MCPH1: variants seen among roughly 807,000 people sequenced by gnomAD.
The protein encoded by MCPH1 is microcephalin 1.
A neutral mutation model predicts 84.5 loss-of-function variants in MCPH1; 104 were observed. The ratio of observed to expected loss-of-function variants is 1.23; its 90% confidence interval spans 1.05 to 1.45. MCPH1 has a LOEUF of 1.45. Among genes scored for constraint, MCPH1 ranks in the 40% most tolerant of loss-of-function variants. The probability of loss-of-function intolerance (pLI) is 0.00; values close to 1 mark genes in which losing one functional copy is unlikely to be tolerated. For missense variants in MCPH1, 1,498 were observed against 1,005.7 expected (o/e 1.49, Z -6.62); for synonymous variants, 514 against 366.8 (o/e 1.40, Z -4.58).
At chr8:6,626,988 A>C (rs2278146) in intron 13 of MCPH1, 32 of 969,178 alleles carry the variant, frequency 3.3e-5, no homozygotes, top group Admixed American at 1.3e-4. Flanking sequence ...CATTGCCAAA[A>C]AAAAAAAAAA....
intron 3 of MCPH1, among the ~76,000 whole-genome samples, chr8:6,416,863 G>T (rs1440132119): frequency 6.6e-6 from 1 of 151,988 alleles, no homozygotes; most frequent in East Asian, 1.9e-4. Context: ...TCATGTTGGC[G>T]TGTGCCTATA....
intron 12 of MCPH1, among the ~76,000 whole-genome samples, chr8:6,505,421 A>G (rs1424328260): frequency 2.6e-5 from 2 of 75,744 alleles, no homozygotes; most frequent in South Asian, 3.6e-4. Flanking sequence ...CTTTATATAC[A>G]TAAAGAATAT....
chr8:6,516,965 T>C (rs886360572), intron 12 of MCPH1, among the ~76,000 whole-genome samples: 3 of 152,220 alleles, frequency 2.0e-5, no homozygotes, highest in African/African-American at 7.2e-5. Context: ...GTGATGATGA[T>C]AAGGTTATTA....
chr8:6,537,357 T>C (rs1383241993), intron 12 of MCPH1, among the ~76,000 whole-genome samples: 2 of 152,024 alleles, frequency 1.3e-5, no homozygotes, highest in Non-Finnish European at 2.9e-5. Flanking sequence ...CCTTGGGCTG[T>C]TCTTCCTTTC....
chr8:6,628,153 T>C (rs1049379120), intron 13 of MCPH1, among the ~76,000 whole-genome samples: 3 of 152,000 alleles, frequency 2.0e-5, no homozygotes, highest in African/African-American at 7.2e-5. Flanking sequence ...TGGATGTGAA[T>C]TGCATCAGAG....
intron 1 of MCPH1, among the ~76,000 whole-genome samples, chr8:6,408,686 G>A (rs1008043173): frequency 6.7e-6 from 1 of 149,338 alleles, no homozygotes; most frequent in African/African-American, 2.5e-5. Flanking sequence ...TTCCCACCCA[G>A]TAGCTGGGAC....
chr8:6,593,295 C>T (rs1426638377), intron 12 of MCPH1, among the ~76,000 whole-genome samples: 1 of 151,944 alleles, frequency 6.6e-6, no homozygotes, highest in African/African-American at 2.4e-5. Flanking sequence ...GTTAGTCAGG[C>T]TGGTCTCAAA....
At chr8:6,504,206 T>C (rs1404625220) in intron 12 of MCPH1, among the ~76,000 whole-genome samples, 1 of 149,156 alleles carries the variant, frequency 6.7e-6, no homozygotes, top group Non-Finnish European at 1.5e-5. Context: ...TAGTCCCAGC[T>C]ACTCGGGAGG....
At chr8:6,609,828 C>CCCCCCCCCCCCCCCCCCA (rs1475345162) in intron 12 of MCPH1, among the ~76,000 whole-genome samples, 1 of 108,850 alleles carries the variant, frequency 9.2e-6, no homozygotes, top group African/African-American at 3.0e-5. Context: ...CGCCCCCCCC[C>CCCCCCCCCCCCCCCCCCA]CACACACAGA....
chr8:6,562,639 T>C, intron 12 of MCPH1: 1 of 1,370,714 alleles, frequency 7.3e-7, no homozygotes, highest in Non-Finnish European at 9.8e-7. Flanking sequence ...GATGGATTTT[T>C]TTCCTACCTT....
intron 8 of MCPH1, chr8:6,446,821 G>T: frequency 1.0e-6 from 1 of 985,286 alleles, no homozygotes; most frequent in African/African-American, 1.7e-5. Context: ...TAAAATCCCC[G>T]TGTTGCTGGG....
intron 13 of MCPH1, among the ~76,000 whole-genome samples, chr8:6,641,355 A>G (rs747472338): frequency 6.6e-6 from 1 of 152,222 alleles, no homozygotes; most frequent in African/African-American, 2.4e-5. Flanking sequence ...GCTTCCACCT[A>G]CCTATGACTC....
intron 13 of MCPH1, among the ~76,000 whole-genome samples, chr8:6,641,400 A>G (rs1363918688): frequency 6.6e-6 from 1 of 152,236 alleles, no homozygotes; most frequent in African/African-American, 2.4e-5. Context: ...GTGTTGATAT[A>G]ATTTGAATAC....
chr8:6,482,338 T>C (rs935610067), intron 11 of MCPH1, among the ~76,000 whole-genome samples: 1 of 152,196 alleles, frequency 6.6e-6, no homozygotes, highest in Non-Finnish European at 1.5e-5. Context: ...GAGAAAAAAC[T>C]GTGCATACTA....
At chr8:6,607,919 C>T (rs549088770) in intron 12 of MCPH1, among the ~76,000 whole-genome samples, 11 of 152,292 alleles carry the variant, frequency 7.2e-5, no homozygotes, top group African/African-American at 1.9e-4. Context: ...CTACCAGGCC[C>T]GGATTTGTTT....
At chr8:6,457,685 C>T (rs1466994566) in intron 9 of MCPH1, among the ~76,000 whole-genome samples, 7 of 152,158 alleles carry the variant, frequency 4.6e-5, no homozygotes. Flanking sequence ...AGTGCGGCAC[C>T]CCGTCCTTAA....
rs1041261314 is a variant in MCPH1, at chr8:6,490,007, C to T, written c.2136+9131C>T. On this transcript the variant is annotated intron_variant, in intron 11 of 13. Transcript: ENST00000344683. The stretch of plus-strand genomic sequence containing the variant: ...GGCCTTCAAGGATCACACTGTTGGT[C>T]TTTCCTTTTCTTTTAACTTGGATCA... Among the ~76,000 whole-genome samples, 10 of 152,274 alleles carry T rather than the reference C, an allele frequency of 6.6e-5. No individual in the cohort carries two copies. The South Asian group carries it at 1.9e-3, about 28-fold the overall frequency.
At chr8:6,568,193 A>G (rs1009991757) in intron 12 of MCPH1, among the ~76,000 whole-genome samples, 4 of 152,140 alleles carry the variant, frequency 2.6e-5, no homozygotes, top group Admixed American at 2.6e-4. Context: ...GCAAACAAGA[A>G]AAGCCAAAGG....
chr8:6,610,579 C>G (rs938695330), intron 12 of MCPH1, among the ~76,000 whole-genome samples: 4 of 152,188 alleles, frequency 2.6e-5, no homozygotes, highest in Non-Finnish European at 5.9e-5. Context: ...AGAACAGCAT[C>G]TATCTTCTTT....
Sources: allele counts gnomAD v4.1 joint callset (sites outside exome capture counted in the v4.1 genomes callset), GRCh38; gene constraint gnomAD v4.1.1; transcripts MANE v1.5; gene names NCBI Gene and HGNC (gene_info 2026-07-23, HGNC 2026-07-21).